DMD: variants seen among roughly 807,000 people sequenced by gnomAD.
The protein encoded by DMD is mutant dystrophin.
A neutral mutation model predicts 330.1 loss-of-function variants in DMD; 63 were observed. The ratio of observed to expected loss-of-function variants is 0.19; its 90% CI spans 0.16 to 0.24. The LOEUF (loss-of-function observed/expected upper bound fraction) is 0.24, where lower values mean the gene tolerates loss of function less well. Ranked by LOEUF, DMD falls within the 10% of genes least tolerant of loss-of-function variation. The pLI, the probability that DMD is intolerant of heterozygous loss-of-function variation, is 1.00. For missense variants in DMD, 3,344 were observed against 2,684.1 expected, an observed-to-expected ratio of 1.25 and a Z score of -5.43; for synonymous variants, 1,223 against 959.8, an observed-to-expected ratio of 1.27 and a Z score of -5.07.
chrX:33,108,427 C>T (rs1424719188), intron 1 of DMD, among the ~76,000 whole-genome samples: 2 of 106,047 alleles, frequency 1.9e-5, no homozygotes, highest in Admixed American at 1.0e-4. Flanking sequence ...GCCACCAGGC[C>T]GGCTAATTTT....
At chrX:33,233,636 G>T (rs1476278349) in intron 1 of DMD, among the ~76,000 whole-genome samples, 1 of 112,091 alleles carries the variant, frequency 8.9e-6, no homozygotes, top group Non-Finnish European at 1.9e-5. Context: ...GTTGCCACAT[G>T]TTAGGCATGG....
At chrX:31,616,832 G>C (rs1273208355) in intron 55 of DMD, among the ~76,000 whole-genome samples, 2 of 106,667 alleles carry the variant, frequency 1.9e-5, no homozygotes, top group Non-Finnish European at 4.0e-5. Flanking sequence ...GAAAGGAATG[G>C]TCATAAAGAA....
At chrX:32,239,054 A>C (rs1291774235) in intron 43 of DMD, among the ~76,000 whole-genome samples, 1 of 112,038 alleles carries the variant, frequency 8.9e-6, no homozygotes, top group African/African-American at 3.2e-5. Flanking sequence ...TGACACTTTG[A>C]AATGAGTAAT....
At chrX:32,699,352 G>C in intron 7 of DMD, 59 bp from the exon 8 acceptor site, 1 of 927,676 alleles carries the variant, frequency 1.1e-6, no homozygotes, top group Non-Finnish European at 1.6e-6. Flanking sequence ...GACTCTAAAA[G>C]GATAATGAAC....
intron 55 of DMD, among the ~76,000 whole-genome samples, chrX:31,607,873 A>G (rs1481540078): frequency 8.9e-6 from 1 of 112,069 alleles, no homozygotes; most frequent in Non-Finnish European, 1.9e-5. Context: ...CCAATTATTC[A>G]AAAGGCATGC....
chrX:31,450,494 C>T (rs150372047), intron 59 of DMD, among the ~76,000 whole-genome samples: 2,382 of 112,384 alleles, frequency 0.021, 65 homozygotes, highest in African/African-American at 0.072. Flanking sequence ...ACAAGTTGAG[C>T]TGTAAGCAAG....
intron 44 of DMD, among the ~76,000 whole-genome samples, chrX:31,991,830 T>C (rs1195569994): frequency 9.1e-6 from 1 of 109,919 alleles, no homozygotes; most frequent in African/African-American, 3.3e-5. Flanking sequence ...GAGAAGCCAA[T>C]GGATTTGGCA....
At chrX:32,529,680 AG>A (rs1658560576) in intron 17 of DMD, among the ~76,000 whole-genome samples, 1 of 111,190 alleles carries the variant, frequency 9.0e-6, no homozygotes, top group Admixed American at 9.6e-5. Flanking sequence ...AACTGAGATC[AG>A]CTTTGCTTAT....
At chrX:32,393,570 G>T (rs1170215213) in intron 30 of DMD, among the ~76,000 whole-genome samples, 1 of 111,531 alleles carries the variant, frequency 9.0e-6, no homozygotes, top group East Asian at 2.8e-4. Context: ...AAGTGAGTTT[G>T]CATTTTAATA....
In DMD at chrX:31,120,898, G is replaced by A. The variant is rs2032344594; in HGVS notation, c.*1021C>T. 9.3e-6 allele frequency: 1 copy of A among 107,012 alleles called. No individual in the cohort carries two copies. Among genetic ancestry groups the A allele is most frequent in the African/African-American group, 3.6e-5 (1 of 28,021 alleles). 8.8% of individuals were successfully genotyped at this position (107,012 alleles called of 1,213,427 possible). A position where few individuals can be genotyped will look rare whatever the true frequency, so the allele number is the denominator to read the frequency against. ...CAATCAATCAATCAACCAACCAACCGATTACTCACTCTGATATAATAAGTC... is the reference window on the plus strand; with the variant it reads ...CAATCAATCAATCAACCAACCAACCAATTACTCACTCTGATATAATAAGTC... On this transcript the variant is annotated 3_prime_UTR_variant, in exon 79 of 79. Transcript: ENST00000357033.
At chrX:32,352,488 A>T (rs1222307168) in intron 37 of DMD, among the ~76,000 whole-genome samples, 1 of 110,938 alleles carries the variant, frequency 9.0e-6, no homozygotes, top group Non-Finnish European at 1.9e-5. Context: ...TATTCTCTTC[A>T]AAACCCACAC....
intron 76 of DMD, among the ~76,000 whole-genome samples, chrX:31,143,234 G>A (rs2036295446): frequency 9.0e-6 from 1 of 111,071 alleles, no homozygotes; most frequent in Admixed American, 9.5e-5. Flanking sequence ...GGAGGGGTCC[G>A]GTGGGAGGTG....
At chrX:32,476,611 C>G (rs1193926391) in intron 21 of DMD, among the ~76,000 whole-genome samples, 1 of 111,820 alleles carries the variant, frequency 8.9e-6, no homozygotes, top group African/African-American at 3.2e-5. Flanking sequence ...TATCAAGGTT[C>G]AGGAAATGCT....
At chrX:32,363,169 C>T (rs980705712) in intron 36 of DMD, among the ~76,000 whole-genome samples, 1 of 111,323 alleles carries the variant, frequency 9.0e-6, no homozygotes, top group Non-Finnish European at 1.9e-5. Flanking sequence ...AATGAAAATG[C>T]GTGTGATTTC....
chrX:32,726,515 T>G (rs1251209659), intron 7 of DMD, among the ~76,000 whole-genome samples: 1 of 110,877 alleles, frequency 9.0e-6, no homozygotes, highest in East Asian at 2.8e-4. Flanking sequence ...AATAAAATAT[T>G]TTACTCTCCT....
intron 1 of DMD, among the ~76,000 whole-genome samples, chrX:33,171,759 T>C (rs1396206139): frequency 9.0e-6 from 1 of 111,641 alleles, no homozygotes; most frequent in Non-Finnish European, 1.9e-5. Context: ...GATTTTACTG[T>C]CTTGAAACAG....
intron 47 of DMD, among the ~76,000 whole-genome samples, chrX:31,922,964 A>G (rs1162695283): frequency 1.8e-5 from 2 of 111,655 alleles, no homozygotes; most frequent in Admixed American, 1.9e-4. Context: ...GAACAAAAGC[A>G]ATCATGATAA....
intron 42 of DMD, among the ~76,000 whole-genome samples, chrX:32,308,573 G>T (rs914302616): frequency 9.0e-6 from 1 of 110,916 alleles, no homozygotes; most frequent in African/African-American, 3.3e-5. Flanking sequence ...GTATCTTATG[G>T]GGATTCAACC....
intron 2 of DMD, among the ~76,000 whole-genome samples, chrX:32,915,503 T>A (rs1192928024): frequency 9.0e-6 from 1 of 111,699 alleles, no homozygotes; most frequent in African/African-American, 3.3e-5. Flanking sequence ...AGAGATTGTA[T>A]ATTTGCTTCC....
Sources: allele counts gnomAD v4.1 joint callset (sites outside exome capture counted in the v4.1 genomes callset), GRCh38; gene constraint gnomAD v4.1.1; transcripts MANE v1.5; gene names NCBI Gene and HGNC (gene_info 2026-07-23, HGNC 2026-07-21).